The following CTDP1 variants were observed in gnomAD, a reference collection of about 807,000 sequenced individuals.
CTDP1 encodes the protein RNA polymerase II subunit A C-terminal domain phosphatase.
A neutral mutation model predicts 91.8 loss-of-function variants in CTDP1; 47 were observed. That is an observed-to-expected ratio of 0.51 (90% CI 0.41 to 0.65). CTDP1 has a LOEUF of 0.65. Ranked by LOEUF, CTDP1 falls within the 30% of genes least tolerant of loss-of-function variation. The pLI, the probability that CTDP1 is intolerant of heterozygous loss-of-function variation, is 0.00. For synonymous variants in CTDP1, 656 were observed against 598.5 expected (o/e 1.10, Z -1.40); for missense variants, 1,272 against 1,373.7 (o/e 0.93, Z 1.17).
At chr18:79,717,452 G>C in intron 8 of CTDP1, 83 bp from the exon 9 acceptor site, 2 of 1,585,516 alleles carry the variant, frequency 1.3e-6, no homozygotes, top group South Asian at 2.2e-5. Flanking sequence ...AGCCAGGTGA[G>C]GGCCCTGGTG....
rs143046433 is a variant in CTDP1, at chr18:79,690,269, CT to C, written c.315-4955del. On this transcript the variant is annotated intron_variant, in intron 1 of 12. Coordinates refer to ENST00000613122, the MANE Select transcript of CTDP1 (RefSeq NM_004715.5). The stretch of plus-strand genomic sequence containing the variant: ...ATGTACCCATGCCCTCGGACCTCCC[CT>C]GAGAGAGCTGAGAGGCCAGAACCCC... Among the ~76,000 whole-genome samples, 653 of 152,286 alleles carry C rather than the reference CT, an allele frequency of 4.3e-3. 3 individuals carry two copies. The highest frequency in any genetic ancestry group is 0.014 in the African/African-American group (588 of 41,546).
chr18:79,697,364 C>T (rs1047188323), intron 3 of CTDP1, among the ~76,000 whole-genome samples: 14 of 152,326 alleles, frequency 9.2e-5, no homozygotes, highest in Middle Eastern at 3.4e-3. Flanking sequence ...CTCTGGGCCC[C>T]GCGTGGAGGG....
intron 12 of CTDP1, among the ~76,000 whole-genome samples, chr18:79,737,765 G>A (rs993022718): frequency 6.6e-6 from 1 of 152,154 alleles, no homozygotes; most frequent in Non-Finnish European, 1.5e-5. Context: ...TACAGACTGC[G>A]TCTCTTCTTG....
At chr18:79,687,947 C>T (rs2085539932) in intron 1 of CTDP1, among the ~76,000 whole-genome samples, 1 of 152,206 alleles carries the variant, frequency 6.6e-6, no homozygotes, top group Non-Finnish European at 1.5e-5. Flanking sequence ...ATGACTCGCT[C>T]TAGACCACAG....
chr18:79,749,592 C>CA (rs2086954080), intron 12 of CTDP1, among the ~76,000 whole-genome samples: 1 of 151,924 alleles, frequency 6.6e-6, no homozygotes, highest in African/African-American at 2.4e-5. Flanking sequence ...CTCTCCTGTT[C>CA]ACAGTCATGA....
chr18:79,751,834 T>C (rs1296728952), intron 12 of CTDP1, among the ~76,000 whole-genome samples: 1 of 152,208 alleles, frequency 6.6e-6, no homozygotes, highest in Admixed American at 6.5e-5. Flanking sequence ...GTTAGCTACA[T>C]TGTATCTACG....
At chr18:79,730,271 G>C (rs1240318369) in intron 11 of CTDP1, among the ~76,000 whole-genome samples, 2 of 152,180 alleles carry the variant, frequency 1.3e-5, no homozygotes, top group African/African-American at 4.8e-5. Context: ...TAAGATTCCA[G>C]AAGGTTCTGT....
rs1194846730 is a variant in CTDP1 at position 79,717,826 on chromosome 18, G to A, written c.2227G>A (p.Ala743Thr). Reference sequence around the variant, plus strand: ...CTCCGACAGGGAGAACAGCCCTGCGGCCTTTCCCGACCGGGAGGGTGTGCC... The same window carrying A: ...CTCCGACAGGGAGAACAGCCCTGCGACCTTTCCCGACCGGGAGGGTGTGCC... Reference protein sequence around the residue: ...TKAQRENSPAAFPDREGVPPT... With the variant: ...TKAQRENSPATFPDREGVPPT... The change falls in exon 10 of 13, where the codon GCC (alanine) becomes ACC (threonine). Residue 743 changes from alanine (A) to threonine (T), a missense_variant. Physicochemically the swap from Ala to Thr is moderately conservative, Grantham distance 58 (BLOSUM62 0). Coordinates refer to ENST00000613122, the MANE Select transcript of CTDP1 (RefSeq NM_004715.5). The A allele has an allele frequency of 4.3e-6, 7 of 1,613,596 alleles. No individual in the cohort carries two copies. Among genetic ancestry groups the A allele is most frequent in the Non-Finnish European group, 5.9e-6 (7 of 1,180,016 alleles).
chr18:79,693,433 G>T (rs1346425493), intron 1 of CTDP1, among the ~76,000 whole-genome samples: 3 of 152,022 alleles, frequency 2.0e-5, no homozygotes, highest in Non-Finnish European at 4.4e-5. Flanking sequence ...CTATTTTGTT[G>T]TCTGGTTTAA....
At chr18:79,740,515 G>C (rs2086754817) in intron 12 of CTDP1, among the ~76,000 whole-genome samples, 1 of 152,204 alleles carries the variant, frequency 6.6e-6, no homozygotes, top group Non-Finnish European at 1.5e-5. Flanking sequence ...AATGTGGTTT[G>C]AGTTTTTTAT....
chr18:79,718,843 C>T (rs996528359), intron 10 of CTDP1, among the ~76,000 whole-genome samples: 5 of 152,158 alleles, frequency 3.3e-5, no homozygotes, highest in African/African-American at 7.2e-5. Context: ...TCTGACAGGT[C>T]ACAACACCTC....
intron 11 of CTDP1, among the ~76,000 whole-genome samples, chr18:79,734,144 G>A (rs1395352283): frequency 6.6e-6 from 1 of 152,152 alleles, no homozygotes; most frequent in Non-Finnish European, 1.5e-5. Context: ...GTTCCAAGTC[G>A]GCCTTGTGCT....
chr18:79,744,251 C>T (rs1028014507), intron 12 of CTDP1, among the ~76,000 whole-genome samples: 1 of 152,166 alleles, frequency 6.6e-6, no homozygotes, highest in Non-Finnish European at 1.5e-5. Flanking sequence ...CCCCGACCAC[C>T]TCAGGCACAT....
intron 10 of CTDP1, among the ~76,000 whole-genome samples, chr18:79,728,312 C>A (rs1029000346): frequency 7.2e-5 from 11 of 152,148 alleles, no homozygotes; most frequent in Non-Finnish European, 1.6e-4. Flanking sequence ...GTTGGCCAGG[C>A]TGGTCTCGAA....
chr18:79,684,442 C>T (rs914738565), intron 1 of CTDP1, among the ~76,000 whole-genome samples: 1 of 152,196 alleles, frequency 6.6e-6, no homozygotes, highest in African/African-American at 2.4e-5. Flanking sequence ...TGAAACCTCC[C>T]TCTATAAATA....
At chr18:79,748,415 C>T (rs1048340992) in intron 12 of CTDP1, among the ~76,000 whole-genome samples, 5 of 152,208 alleles carry the variant, frequency 3.3e-5, no homozygotes, top group African/African-American at 4.8e-5. Context: ...CGCCCCAGCC[C>T]GGGCTCTGTG....
chr18:79,724,743 A>G (rs2086411391), intron 10 of CTDP1, among the ~76,000 whole-genome samples: 2 of 152,212 alleles, frequency 1.3e-5, no homozygotes, highest in Admixed American at 6.5e-5. Context: ...GAAGTTAACT[A>G]GTAGCCCAGT....
chr18:79,690,645 C>T (rs932397564), intron 1 of CTDP1, among the ~76,000 whole-genome samples: 11 of 152,194 alleles, frequency 7.2e-5, no homozygotes, highest in Non-Finnish European at 1.3e-4. Flanking sequence ...ACATTGCTCT[C>T]TGCTCCCTGT....
downstream of CTDP1, chr18:79,755,360 C>T (rs2087079474): frequency 6.6e-6 from 1 of 152,202 alleles, no homozygotes; most frequent in Non-Finnish European, 1.5e-5. Flanking sequence ...CAGGGAGTTC[C>T]TCCTGTCCAG....
Sources: allele counts gnomAD v4.1 joint callset (sites outside exome capture counted in the v4.1 genomes callset), GRCh38; gene constraint gnomAD v4.1.1; transcripts MANE v1.5; gene names NCBI Gene and HGNC (gene_info 2026-07-23, HGNC 2026-07-21).